Variants in FAT3 observed in about 807,000 individuals in gnomAD.
The protein encoded by FAT3 is FAT atypical cadherin 3.
Under a neutral mutation model 310.2 loss-of-function variants are expected in FAT3, and 95 were observed. The ratio of observed to expected loss-of-function variants is 0.31; its 90% CI spans 0.26 to 0.36. FAT3 has a LOEUF of 0.36. FAT3 is among the 10% of genes least tolerant of loss of function. FAT3 has a pLI of 1.00. For synonymous variants in FAT3, 2,314 were observed against 2,192.9 expected, an observed-to-expected ratio of 1.06 and a Z score of -1.54; for missense variants, 5,408 against 5,715.6, an observed-to-expected ratio of 0.95 and a Z score of 1.74.
rs554651914 is a variant in FAT3, at chr11:92,409,262, G to A, written c.3292+53858G>A. Among the ~76,000 whole-genome samples, 5 of 106,640 alleles carry A rather than the reference G, an allele frequency of 4.7e-5. No individual in the cohort carries two copies. In the East Asian group the frequency reaches 8.9e-4, roughly 19 times the overall value. 70.0% of individuals were successfully genotyped at this position (106,640 alleles called of 152,430 possible). A position where few individuals can be genotyped will look rare whatever the true frequency, so the allele number is the denominator to read the frequency against. ...AAGCTTTCGTGTGTGTGTGTGTGTC[G>A]TGTGTGTGTGTGTGTATGTGTGTAT... On this transcript the variant is annotated intron_variant, in intron 2 of 27. Coordinates refer to ENST00000525166, the MANE Select transcript of FAT3 (RefSeq NM_001367949.2).
chr11:92,687,232 G>A (rs1344199448), intron 3 of FAT3, among the ~76,000 whole-genome samples: 4 of 152,218 alleles, frequency 2.6e-5, no homozygotes, highest in South Asian at 2.1e-4. Flanking sequence ...GTTTCTAACC[G>A]AGCCTCTGAG....
At chr11:92,594,906 T>C (rs946877252) in intron 3 of FAT3, among the ~76,000 whole-genome samples, 1 of 152,088 alleles carries the variant, frequency 6.6e-6, no homozygotes, top group African/African-American at 2.4e-5. Context: ...AAAAAATGTA[T>C]AGTATGGTTA....
rs751475240 is a variant in FAT3 at position 92,479,422 on chromosome 11, A to T, written c.3293-45212A>T. Among the ~76,000 whole-genome samples, 14 of 152,282 alleles carry T rather than the reference A, an allele frequency of 9.2e-5. No individual in the cohort carries two copies. The South Asian group carries it at 1.7e-3, about 18-fold the overall frequency. ...TTTAAAATGCTTCCATTTTCACAAC[A>T]TTTATTCAATGACTCATTTAGCAAG... On this transcript the variant is annotated intron_variant, in intron 2 of 27. Coordinates refer to ENST00000525166, the MANE Select transcript of FAT3 (RefSeq NM_001367949.2).
In FAT3 at chr11:92,650,882, A is replaced by T. The variant is rs146836512; in HGVS notation, c.3608-46502A>T. The stretch of plus-strand genomic sequence containing the variant: ...ATATTTCATGAATAGCACTTAGTTT[A>T]GCAGGAGGAACATATTAATAACAAT... On this transcript the variant is annotated intron_variant, in intron 3 of 27. Transcript: ENST00000525166. Among the ~76,000 whole-genome samples the T allele has an allele frequency of 3.9e-3, 592 of 152,342 alleles. 13 individuals carry two copies. Among genetic ancestry groups the T allele is most frequent in the Non-Finnish European group, 3.4e-3 (232 of 68,028 alleles).
At chr11:92,770,927 A>G (rs950498758) in intron 6 of FAT3, among the ~76,000 whole-genome samples, 5 of 152,176 alleles carry the variant, frequency 3.3e-5, no homozygotes, top group East Asian at 3.8e-4. Context: ...TTAGAATCCA[A>G]TAGAAATCCA....
At chr11:92,316,147 T>G (rs1275383020) in intron 1 of FAT3, among the ~76,000 whole-genome samples, 1 of 152,024 alleles carries the variant, frequency 6.6e-6, no homozygotes, top group East Asian at 1.9e-4. Flanking sequence ...CCAGGTCCTC[T>G]GTGGAGTCTA....
At chr11:92,380,345 C>G (rs1288888755) in intron 2 of FAT3, among the ~76,000 whole-genome samples, 2 of 152,052 alleles carry the variant, frequency 1.3e-5, no homozygotes, top group Non-Finnish European at 2.9e-5. Flanking sequence ...GCTTTGTGGT[C>G]TTTAATCAGT....
chr11:92,648,609 C>G (rs1942250954), intron 3 of FAT3, among the ~76,000 whole-genome samples: 1 of 152,192 alleles, frequency 6.6e-6, no homozygotes, highest in South Asian at 2.1e-4. Context: ...TTCTGTCATT[C>G]GTTTTCTGCC....
At chr11:92,707,319 G>C (rs1179113664) in intron 4 of FAT3, among the ~76,000 whole-genome samples, 2 of 152,164 alleles carry the variant, frequency 1.3e-5, no homozygotes, top group East Asian at 3.9e-4. Context: ...TAATTGCTTT[G>C]GGCAGGTCAC....
chr11:92,858,751 G>A (rs1949047007), intron 20 of FAT3, among the ~76,000 whole-genome samples: 1 of 152,208 alleles, frequency 6.6e-6, no homozygotes, highest in Admixed American at 6.5e-5. Context: ...TTTGGAAATG[G>A]TTTTGTTTTC....
At chr11:92,488,520 A>G (rs1300903948) in intron 2 of FAT3, among the ~76,000 whole-genome samples, 1 of 122,068 alleles carries the variant, frequency 8.2e-6, no homozygotes, top group Non-Finnish European at 1.6e-5. Context: ...ATTTGTACTT[A>G]TAAGAAGATT....
At chr11:92,889,932 G>A (rs556067663) in intron 27 of FAT3, 41 bp downstream of exon 27, 133 of 717,888 alleles carry the variant, frequency 1.9e-4, no homozygotes, top group African/African-American at 1.8e-3. Flanking sequence ...TTGTGTGTTT[G>A]TTTTGAATTG....
intron 2 of FAT3, among the ~76,000 whole-genome samples, chr11:92,424,294 G>A (rs1950586830): frequency 6.6e-6 from 1 of 152,082 alleles, no homozygotes; most frequent in South Asian, 2.1e-4. Context: ...TGAATTAGAT[G>A]TGAATTATAC....
At chr11:92,539,197 G>A (rs1954361400) in intron 3 of FAT3, among the ~76,000 whole-genome samples, 1 of 152,038 alleles carries the variant, frequency 6.6e-6, no homozygotes, top group African/African-American at 2.4e-5. Context: ...TTCATGCCCG[G>A]GAAATGGGGA....
chr11:92,544,405 G>A (rs997692124), intron 3 of FAT3, among the ~76,000 whole-genome samples: 1 of 152,098 alleles, frequency 6.6e-6, no homozygotes, highest in African/African-American at 2.4e-5. Context: ...AAATATTTCA[G>A]GTGATGGATA....
chr11:92,621,568 C>G (rs1941089930), intron 3 of FAT3, among the ~76,000 whole-genome samples: 1 of 152,182 alleles, frequency 6.6e-6, no homozygotes, highest in Non-Finnish European at 1.5e-5. Flanking sequence ...TCTTCCAATG[C>G]CAAATGCTGC....
At chr11:92,288,961 C>G (rs1946623085) in intron 1 of FAT3, among the ~76,000 whole-genome samples, 1 of 152,140 alleles carries the variant, frequency 6.6e-6, no homozygotes, top group Non-Finnish European at 1.5e-5. Context: ...TGTGAATGTG[C>G]TGACAACACC....
chr11:92,455,713 T>C (rs1024458123), intron 2 of FAT3, among the ~76,000 whole-genome samples: 3 of 152,164 alleles, frequency 2.0e-5, no homozygotes, highest in Non-Finnish European at 4.4e-5. Context: ...CTAGCTCCAC[T>C]CCTTACTTTT....
chr11:92,254,238 C>A, intron 1 of FAT3, among the ~76,000 whole-genome samples: 1 of 152,246 alleles, frequency 6.6e-6, no homozygotes, highest in Middle Eastern at 3.4e-3. Flanking sequence ...TCTTTCACAC[C>A]AGGGGCTGTG....
Sources: allele counts gnomAD v4.1 joint callset (sites outside exome capture counted in the v4.1 genomes callset), GRCh38; gene constraint gnomAD v4.1.1; transcripts MANE v1.5; gene names NCBI Gene and HGNC (gene_info 2026-07-23, HGNC 2026-07-21).